CPNE4: variants seen among roughly 807,000 people sequenced by gnomAD.
CPNE4 encodes copine-4.
CPNE4 carries 25 observed loss-of-function variants against 67.9 expected under a neutral mutation model. The observed-to-expected ratio is 0.37, with a 90% CI of 0.27 to 0.51. The LOEUF (loss-of-function observed/expected upper bound fraction) is 0.51, where lower values mean the gene tolerates loss of function less well. Ranked by LOEUF, CPNE4 falls within the 20% of genes least tolerant of loss-of-function variation. The pLI, the probability that CPNE4 is intolerant of heterozygous loss-of-function variation, is 0.93. For missense variants in CPNE4, 464 were observed against 690.8 expected (o/e 0.67, Z 3.68); for synonymous variants, 242 against 244.9 (o/e 0.99, Z 0.11).
At chr3:131,626,494 G>T (rs1334238777) in intron 7 of CPNE4, among the ~76,000 whole-genome samples, 1 of 152,200 alleles carries the variant, frequency 6.6e-6, no homozygotes, top group Non-Finnish European at 1.5e-5. Context: ...CCAATCCAGA[G>T]TAAGTCCTTA....
intron 2 of CPNE4, among the ~76,000 whole-genome samples, chr3:131,730,064 T>C (rs34314623): frequency 0.38 from 57,301 of 152,014 alleles, 11,019 homozygotes; most frequent in African/African-American, 0.45. Context: ...AATTGGTATG[T>C]GTGTTTTAAT....
intron 2 of CPNE4, among the ~76,000 whole-genome samples, chr3:131,729,011 G>C (rs1279361984): frequency 2.0e-5 from 3 of 152,100 alleles, no homozygotes; most frequent in African/African-American, 7.2e-5. Flanking sequence ...ACTTCCAAGG[G>C]CTGGAACTGC....
chr3:131,538,623 G>A (rs138518425), intron 15 of CPNE4, among the ~76,000 whole-genome samples: 232 of 152,302 alleles, frequency 1.5e-3, no homozygotes, highest in African/African-American at 5.1e-3. Context: ...TAAATAACTT[G>A]CCCAGAGTCA....
chr3:131,928,676 T>C lies in CPNE4; in HGVS notation c.-1-23232A>G, dbSNP rs553763694. Among the ~76,000 whole-genome samples the C allele has an allele frequency of 7.2e-5, 11 of 152,318 alleles. 1 individual carries two copies. In the South Asian group the frequency reaches 2.3e-3, roughly 32 times the overall value. On this transcript the variant is annotated intron_variant, in intron 1 of 15. Transcript: ENST00000429747. ...CAGAACTGTGTCCTGTCTATGCCTA[T>C]ACTTGGCCATGCTTGTTAGAGCAAA...
intron 7 of CPNE4, among the ~76,000 whole-genome samples, chr3:131,619,800 C>T (rs996805455): frequency 3.3e-5 from 5 of 152,142 alleles, no homozygotes; most frequent in South Asian, 2.1e-4. Flanking sequence ...GTTTAATATA[C>T]ACCCTAAATG....
intron 1 of CPNE4, among the ~76,000 whole-genome samples, chr3:132,011,283 G>A (rs568918390): frequency 2.4e-4 from 37 of 152,272 alleles, no homozygotes; most frequent in African/African-American, 8.2e-4. Context: ...CAGAGAACTG[G>A]GATCAGATTG....
At chr3:131,550,115 A>C in intron 13 of CPNE4, 35 bp from the exon 14 acceptor site, 1 of 1,609,950 alleles carries the variant, frequency 6.2e-7, no homozygotes, top group African/African-American at 1.3e-5. Context: ...ACAGCTCCAG[A>C]GTCACTCCAA....
chr3:131,558,063 G>T (rs534474625), intron 11 of CPNE4, among the ~76,000 whole-genome samples: 22 of 151,880 alleles, frequency 1.4e-4, no homozygotes, highest in African/African-American at 4.6e-4. Flanking sequence ...AGCCACTTTT[G>T]GGGATTCAAT....
chr3:131,809,298 T>C (rs1371757559), intron 2 of CPNE4, among the ~76,000 whole-genome samples: 1 of 152,050 alleles, frequency 6.6e-6, no homozygotes, highest in Non-Finnish European at 1.5e-5. Flanking sequence ...AACCAAGACA[T>C]GCAGGTGACC....
chr3:131,581,965 T>C (rs1048468578), intron 8 of CPNE4, among the ~76,000 whole-genome samples: 2 of 152,228 alleles, frequency 1.3e-5, no homozygotes, highest in Non-Finnish European at 2.9e-5. Flanking sequence ...ATAATTATAC[T>C]CTATCTCATA....
At chr3:131,882,289 A>G (rs960962387) in intron 2 of CPNE4, among the ~76,000 whole-genome samples, 2 of 152,202 alleles carry the variant, frequency 1.3e-5, no homozygotes, top group Non-Finnish European at 2.9e-5. Flanking sequence ...CTTAACATAA[A>G]GATAATTTTG....
In CPNE4 at chr3:131,892,700, C is replaced by T. The variant is rs148493559; in HGVS notation, c.180+12564G>A. Among the ~76,000 whole-genome samples the T allele has an allele frequency of 7.6e-3, 1,150 of 151,882 alleles. 48 individuals carry two copies. Among genetic ancestry groups the T allele is most frequent in the Admixed American group, 0.063 (959 of 15,240 alleles). Reference sequence around the variant, plus strand: ...AGGCAACAAAAATATAAATGGAGGGCAGAGAAAAAAGTCTAGAGTATCTTT... The same window carrying T: ...AGGCAACAAAAATATAAATGGAGGGTAGAGAAAAAAGTCTAGAGTATCTTT... On this transcript the variant is annotated intron_variant, in intron 2 of 15. Transcript: ENST00000429747.
At chr3:131,697,985 C>T (rs866567006) in intron 4 of CPNE4, among the ~76,000 whole-genome samples, 13 of 151,912 alleles carry the variant, frequency 8.6e-5, no homozygotes, top group African/African-American at 3.1e-4. Flanking sequence ...GTAATCCCAG[C>T]ACTTTGGGAG....
intron 15 of CPNE4, among the ~76,000 whole-genome samples, chr3:131,540,323 C>A (rs1043152183): frequency 1.3e-5 from 2 of 152,184 alleles, no homozygotes; most frequent in Admixed American, 1.3e-4. Flanking sequence ...ATCCAAGGAG[C>A]CTTGGAATGT....
intron 7 of CPNE4, among the ~76,000 whole-genome samples, chr3:131,622,449 G>A (rs1182896972): frequency 6.6e-6 from 1 of 152,152 alleles, no homozygotes; most frequent in Non-Finnish European, 1.5e-5. Flanking sequence ...ATCCTAAAGT[G>A]TCGCTCATTT....
chr3:131,812,975 T>G (rs2084595582), intron 2 of CPNE4, among the ~76,000 whole-genome samples: 1 of 152,164 alleles, frequency 6.6e-6, no homozygotes, highest in South Asian at 2.1e-4. Context: ...AATCAATGAA[T>G]AAGGATACTT....
intron 2 of CPNE4, among the ~76,000 whole-genome samples, chr3:131,865,807 G>A (rs1433771437): frequency 1.3e-5 from 2 of 152,196 alleles, no homozygotes; most frequent in Non-Finnish European, 2.9e-5. Context: ...TTATTAAGGT[G>A]TGCCTTTGAG....
chr3:131,841,320 G>C (rs913198866), intron 2 of CPNE4, among the ~76,000 whole-genome samples: 1 of 152,180 alleles, frequency 6.6e-6, no homozygotes, highest in Non-Finnish European at 1.5e-5. Flanking sequence ...AGGGTATTTA[G>C]AAAAGCAAAA....
intron 7 of CPNE4, among the ~76,000 whole-genome samples, chr3:131,667,498 T>A (rs1400747324): frequency 1.3e-5 from 2 of 151,996 alleles, no homozygotes; most frequent in Non-Finnish European, 2.9e-5. Context: ...ATCTAGTAGC[T>A]AGGGTTGCTG....
Sources: gnomAD v4.1 joint callset for allele counts (sites outside exome capture counted in the v4.1 genomes callset) on GRCh38, gnomAD v4.1.1 for gene constraint, MANE v1.5 for transcripts, NCBI Gene and HGNC (gene_info 2026-07-23, HGNC 2026-07-21) for gene names.